Variants in PRORP observed in about 807,000 individuals in gnomAD.
PRORP encodes protein only RNase P catalytic subunit, also known as mitochondrial ribonuclease P catalytic subunit.
A neutral mutation model predicts 59.4 loss-of-function variants in PRORP; 51 were observed. That is an observed-to-expected ratio of 0.86 (90% CI 0.69 to 1.08). The LOEUF (loss-of-function observed/expected upper bound fraction) is 1.08, where lower values mean the gene tolerates loss of function less well. Among genes scored for constraint, PRORP ranks in the 50% least tolerant of loss-of-function variants. The probability of loss-of-function intolerance (pLI) is 0.00; values close to 1 mark genes in which losing one functional copy is unlikely to be tolerated. For missense variants in PRORP, 646 were observed against 690.3 expected (o/e 0.94, Z 0.72); for synonymous variants, 231 against 245.6 (o/e 0.94, Z 0.55).
intron 5 of PRORP, chr14:35,235,287 A>T (rs2050181872): frequency 1.4e-6 from 1 of 690,874 alleles, no homozygotes; most frequent in Admixed American, 1.8e-5. Context: ...ATTTCATCAT[A>T]TCTGTCATTG....
intron 3 of PRORP, 93 bp downstream of exon 3, chr14:35,126,875 T>C: frequency 1.1e-6 from 1 of 913,022 alleles, no homozygotes; most frequent in African/African-American, 1.7e-5. Context: ...ACCTTAAGGG[T>C]AGGATAATTA....
rs1188211105 is a variant in PRORP at position 35,273,886 on chromosome 14, T to C, written c.*320T>C. 1.1e-5 allele frequency: 2 copies of C among 188,446 alleles called. No homozygotes were observed. The highest frequency in any genetic ancestry group is 1.1e-4 in the South Asian group (1 of 8,728). The allele number at this position is 188,446 out of a possible 1,614,324, so 11.7% of individuals were successfully genotyped here. On this transcript the variant is annotated 3_prime_UTR_variant, in exon 8 of 8. Coordinates refer to ENST00000534898, the MANE Select transcript of PRORP (RefSeq NM_014672.4). ...AGTGCTTTTGGTATCCATTTTTTGC[T>C]ACTTCTGACCTTGCCTTCCAGGCCT... is the stretch of plus-strand genomic sequence containing the variant.
chr14:35,203,534 T>A (rs1595299267), intron 5 of PRORP, among the ~76,000 whole-genome samples: 5 of 152,028 alleles, frequency 3.3e-5, no homozygotes, highest in Admixed American at 3.3e-4. Flanking sequence ...CTCAAAAAAA[T>A]TAAAATTAAA....
At chr14:35,206,168 G>A (rs934186824) in intron 5 of PRORP, among the ~76,000 whole-genome samples, 4 of 152,192 alleles carry the variant, frequency 2.6e-5, no homozygotes, top group Non-Finnish European at 4.4e-5. Flanking sequence ...TGCACCAAAC[G>A]TGACTTGTGA....
chr14:35,260,822 T>C (rs1316498795), intron 5 of PRORP, among the ~76,000 whole-genome samples: 2 of 152,172 alleles, frequency 1.3e-5, no homozygotes, highest in Non-Finnish European at 2.9e-5. Context: ...CTTAGCCCAG[T>C]TTTTTAGATG....
At chr14:35,216,862 G>A (rs1212583004) in intron 5 of PRORP, among the ~76,000 whole-genome samples, 3 of 152,120 alleles carry the variant, frequency 2.0e-5, no homozygotes, top group African/African-American at 4.8e-5. Flanking sequence ...AAGTGGTATC[G>A]TAAGTGATTT....
chr14:35,159,159 C>G (rs2047997117), intron 4 of PRORP: 1 of 175,770 alleles, frequency 5.7e-6, no homozygotes, highest in Non-Finnish European at 1.2e-5. Context: ...TCAAAACCTT[C>G]AGCAGTTTCC....
intron 5 of PRORP, among the ~76,000 whole-genome samples, chr14:35,264,567 T>A (rs776349522): frequency 3.9e-5 from 6 of 152,168 alleles, no homozygotes; most frequent in Non-Finnish European, 8.8e-5. Context: ...CCATTCTATG[T>A]CTTAATTATA....
rs571106501 is a variant in PRORP, at chr14:35,272,496, T to G, written c.1621-939T>G. Among the ~76,000 whole-genome samples the G allele has an allele frequency of 1.2e-4, 18 of 152,172 alleles. No individual in the cohort carries two copies. In the South Asian group the frequency reaches 3.5e-3, roughly 30 times the overall value. On this transcript the variant is annotated intron_variant, in intron 7 of 7. Transcript: ENST00000534898. The stretch of plus-strand genomic sequence containing the variant: ...TCCAAAACAATAAATTTATAGTAAA[T>G]GTGGTATTAAATGATACCATAGTGA...
intron 4 of PRORP, among the ~76,000 whole-genome samples, chr14:35,179,104 A>G (rs1344241166): frequency 6.6e-6 from 1 of 152,238 alleles, no homozygotes; most frequent in Non-Finnish European, 1.5e-5. Context: ...TTCTGCCTAG[A>G]GATCCGCTGT....
chr14:35,149,268 G>A (rs2047685983), intron 4 of PRORP, among the ~76,000 whole-genome samples: 1 of 151,704 alleles, frequency 6.6e-6, no homozygotes, highest in Non-Finnish European at 1.5e-5. Flanking sequence ...AGGCTGGAGT[G>A]TGGTGCTATG....
rs561518819 is a variant in PRORP at position 35,171,895 on chromosome 14, C to G, written c.1168-8775C>G. Among the ~76,000 whole-genome samples, 59 of 152,158 alleles carry G rather than the reference C, an allele frequency of 3.9e-4. 1 individual carries two copies. The highest frequency in any genetic ancestry group is 3.4e-3 in the Middle Eastern group (1 of 294). Reference sequence around the variant, plus strand: ...CTTTCATGTTCACTGACTCTTTCTTCTGCCATCTCCAATCTGCTGTTAAAT... The same window carrying G: ...CTTTCATGTTCACTGACTCTTTCTTGTGCCATCTCCAATCTGCTGTTAAAT... On this transcript the variant is annotated intron_variant, in intron 4 of 7. Coordinates refer to ENST00000534898, the MANE Select transcript of PRORP (RefSeq NM_014672.4).
intron 5 of PRORP, among the ~76,000 whole-genome samples, chr14:35,263,961 T>C (rs1234131636): frequency 2.0e-5 from 3 of 151,990 alleles, no homozygotes; most frequent in Non-Finnish European, 2.9e-5. Flanking sequence ...TTTTTTTTTT[T>C]AGAGATGGTG....
intron 5 of PRORP, chr14:35,262,855 C>G: frequency 6.5e-7 from 1 of 1,531,406 alleles, no homozygotes; most frequent in Non-Finnish European, 9.0e-7. Context: ...ACAGGTGTTG[C>G]TTGTTCAGTA....
chr14:35,175,621 T>C (rs2048429347), intron 4 of PRORP, among the ~76,000 whole-genome samples: 1 of 152,064 alleles, frequency 6.6e-6, no homozygotes, highest in African/African-American at 2.4e-5. Context: ...TTAGAGTTCT[T>C]TGTAGATTCT....
intron 5 of PRORP, among the ~76,000 whole-genome samples, chr14:35,207,621 G>A (rs929111587): frequency 2.6e-5 from 4 of 152,026 alleles, no homozygotes; most frequent in African/African-American, 9.7e-5. Context: ...TATAGTGAAC[G>A]CTTAACACAG....
chr14:35,144,909 G>A lies in PRORP; in HGVS notation c.1167+17298G>A, dbSNP rs530828191. On this transcript the variant is annotated intron_variant, in intron 4 of 7. Coordinates refer to ENST00000534898, the MANE Select transcript of PRORP (RefSeq NM_014672.4). ...CTTATTACACAAGCATATTAACAAAGGAAGCTAAAACAAAGACAGCAGTCT... is the reference window on the plus strand; with the variant it reads ...CTTATTACACAAGCATATTAACAAAAGAAGCTAAAACAAAGACAGCAGTCT... 7.6e-5 allele frequency among the ~76,000 whole-genome samples: 11 copies of A among 145,588 alleles called. 1 individual carries two copies. The South Asian group carries it at 2.3e-3, about 30-fold the overall frequency.
intron 5 of PRORP, among the ~76,000 whole-genome samples, chr14:35,264,195 T>G (rs1291307350): frequency 6.6e-6 from 1 of 151,990 alleles, no homozygotes; most frequent in Non-Finnish European, 1.5e-5. Context: ...TGGTGTGATC[T>G]CAGCTCATGG....
chr14:35,204,584 A>G (rs1164651413), intron 5 of PRORP, among the ~76,000 whole-genome samples: 1 of 152,190 alleles, frequency 6.6e-6, no homozygotes, highest in Non-Finnish European at 1.5e-5. Context: ...TTTCAGAAGT[A>G]CAAAGGTGAA....
Sources: allele counts gnomAD v4.1 joint callset (sites outside exome capture counted in the v4.1 genomes callset), GRCh38; gene constraint gnomAD v4.1.1; transcripts MANE v1.5; gene names NCBI Gene and HGNC (gene_info 2026-07-23, HGNC 2026-07-21).